The following ADIPOR2 variants were observed in gnomAD, a reference collection of about 807,000 sequenced individuals.
ADIPOR2 encodes the protein adiponectin receptor protein 2.
A neutral mutation model predicts 40.9 loss-of-function variants in ADIPOR2; 18 were observed. The ratio of observed to expected loss-of-function variants is 0.44; its 90% CI spans 0.30 to 0.65. ADIPOR2 has a LOEUF of 0.65. ADIPOR2 is among the 30% of genes least tolerant of loss of function. The pLI, the probability that ADIPOR2 is intolerant of heterozygous loss-of-function variation, is 0.09. For missense variants in ADIPOR2, 283 were observed against 479.2 expected (o/e 0.59, Z 3.82); for synonymous variants, 165 against 166.4 (o/e 0.99, Z 0.06).
chr12:1,720,335 C>G (rs892468331), intron 1 of ADIPOR2, among the ~76,000 whole-genome samples: 1 of 152,050 alleles, frequency 6.6e-6, no homozygotes, highest in African/African-American at 2.4e-5. Context: ...TTTCCATGGA[C>G]TGGTGGGCAG....
chr12:1,715,438 C>T (rs2094685645), intron 1 of ADIPOR2, among the ~76,000 whole-genome samples: 1 of 152,024 alleles, frequency 6.6e-6, no homozygotes, highest in South Asian at 2.1e-4. Flanking sequence ...CAAGGGTGAG[C>T]CTGTTGATGC....
intron 4 of ADIPOR2, chr12:1,778,373 A>G (rs759995098): frequency 2.9e-4 from 49 of 169,588 alleles, no homozygotes; most frequent in Non-Finnish European, 5.9e-4. Flanking sequence ...TGCATTACTT[A>G]TATGCACTGC....
At chr12:1,719,966 C>T (rs1019328422) in intron 1 of ADIPOR2, among the ~76,000 whole-genome samples, 7 of 152,114 alleles carry the variant, frequency 4.6e-5, no homozygotes, top group Non-Finnish European at 7.4e-5. Flanking sequence ...CTTGAGCCAC[C>T]GTGTCTGTCC....
At chr12:1,769,392 C>T (rs1241902720) in intron 2 of ADIPOR2, among the ~76,000 whole-genome samples, 3 of 152,118 alleles carry the variant, frequency 2.0e-5, no homozygotes, top group Non-Finnish European at 2.9e-5. Flanking sequence ...TTAGCAACTC[C>T]GTTAATACTT....
At chr12:1,752,658 A>C (rs1319422095) in intron 1 of ADIPOR2, among the ~76,000 whole-genome samples, 1 of 152,160 alleles carries the variant, frequency 6.6e-6, no homozygotes, top group Non-Finnish European at 1.5e-5. Flanking sequence ...TCCAAACTCT[A>C]ATCCTCAAAA....
chr12:1,716,175 T>C (rs2094687283), intron 1 of ADIPOR2, among the ~76,000 whole-genome samples: 2 of 152,206 alleles, frequency 1.3e-5, no homozygotes. Context: ...ATTGTTCTTT[T>C]GGTTTTGACG....
chr12:1,781,443 C>A (rs1017089570), intron 6 of ADIPOR2, among the ~76,000 whole-genome samples: 1 of 151,892 alleles, frequency 6.6e-6, no homozygotes, highest in African/African-American at 2.4e-5. Flanking sequence ...TGTAGTGATT[C>A]TTTTTTTGTT....
At chr12:1,698,323 G>A (rs928605364) in intron 1 of ADIPOR2, among the ~76,000 whole-genome samples, 10 of 151,792 alleles carry the variant, frequency 6.6e-5, no homozygotes, top group African/African-American at 2.2e-4. Flanking sequence ...CTGCCCTCTC[G>A]AACTCAAACA....
At chr12:1,692,751 A>T (rs1273228156) in intron 1 of ADIPOR2, among the ~76,000 whole-genome samples, 2 of 151,288 alleles carry the variant, frequency 1.3e-5, no homozygotes, top group Non-Finnish European at 2.9e-5. Flanking sequence ...AGTATAAATC[A>T]CATTTTGTTT....
intron 1 of ADIPOR2, among the ~76,000 whole-genome samples, chr12:1,733,130 CAAAG>C (rs2094723748): frequency 2.0e-5 from 3 of 152,112 alleles, no homozygotes; most frequent in African/African-American, 7.2e-5. Context: ...TAGAAAAAAA[CAAAG>C]AACTTTTCAC....
intron 1 of ADIPOR2, among the ~76,000 whole-genome samples, chr12:1,730,500 C>G (rs1023409158): frequency 5.3e-5 from 8 of 151,666 alleles, no homozygotes; most frequent in Non-Finnish European, 1.2e-4. Context: ...GCCTGTAGTC[C>G]CAGCTACACG....
chr12:1,738,209 C>CAAAAAAA (rs56395738), intron 1 of ADIPOR2, among the ~76,000 whole-genome samples: 1 of 85,606 alleles, frequency 1.2e-5, no homozygotes, highest in African/African-American at 5.4e-5. Context: ...CCTGTCTCTA[C>CAAAAAAA]AAAAAAAAAA....
At chr12:1,712,547 C>T (rs967125833) in intron 1 of ADIPOR2, among the ~76,000 whole-genome samples, 16 of 152,126 alleles carry the variant, frequency 1.1e-4, no homozygotes, top group Non-Finnish European at 1.5e-5. Context: ...AGAGCTATTC[C>T]TGCTCTCTCT....
intron 1 of ADIPOR2, among the ~76,000 whole-genome samples, chr12:1,723,595 G>A (rs551067671): frequency 9.1e-4 from 139 of 151,932 alleles, no homozygotes; most frequent in African/African-American, 3.3e-3. Context: ...AGCCAAGATC[G>A]TGTCACTGCA....
In ADIPOR2 at chr12:1,748,263, T is replaced by C. The variant is rs1404414339; in HGVS notation, c.-86-5995T>C. Among the ~76,000 whole-genome samples, 3 of 152,278 alleles carry C rather than the reference T, an allele frequency of 2.0e-5. No individual in the cohort carries two copies. In the East Asian group the frequency reaches 5.8e-4, roughly 29 times the overall value. On this transcript the variant is annotated intron_variant, in intron 1 of 7. Coordinates refer to ENST00000357103, the MANE Select transcript of ADIPOR2 (RefSeq NM_024551.3). Reference sequence around the variant, plus strand: ...ACTTTTATTATTTATTTATTCTTTTTTTAGAGACGGAGTCTCTCTCTGTCG... The same window carrying C: ...ACTTTTATTATTTATTTATTCTTTTCTTAGAGACGGAGTCTCTCTCTGTCG...
intron 2 of ADIPOR2, among the ~76,000 whole-genome samples, chr12:1,770,916 G>A (rs1270993286): frequency 6.6e-6 from 1 of 152,142 alleles, no homozygotes; most frequent in Non-Finnish European, 1.5e-5. Flanking sequence ...TCTTGGTGGG[G>A]TAGGGGATGA....
intron 1 of ADIPOR2, among the ~76,000 whole-genome samples, chr12:1,751,901 TTTTTC>T (rs1015772827): frequency 6.6e-6 from 1 of 151,514 alleles, no homozygotes; most frequent in South Asian, 2.1e-4. Flanking sequence ...TGTGCTGATA[TTTTTC>T]TTTTCTTTTC....
chr12:1,759,195 TC>T (rs1450572633), intron 2 of ADIPOR2, among the ~76,000 whole-genome samples: 6 of 152,234 alleles, frequency 3.9e-5, no homozygotes, highest in Non-Finnish European at 8.8e-5. Context: ...TCAGATGTGT[TC>T]TAACTTTGTA....
At chr12:1,768,010 A>G (rs1185507530) in intron 2 of ADIPOR2, among the ~76,000 whole-genome samples, 1 of 152,214 alleles carries the variant, frequency 6.6e-6, no homozygotes, top group East Asian at 1.9e-4. Context: ...ATTTCCGAGA[A>G]CAAATAATAA....
Sources: gnomAD v4.1 joint callset for allele counts (sites outside exome capture counted in the v4.1 genomes callset) on GRCh38, gnomAD v4.1.1 for gene constraint, MANE v1.5 for transcripts, NCBI Gene and HGNC (gene_info 2026-07-23, HGNC 2026-07-21) for gene names.